The following ANKMY2 variants were observed in gnomAD, a reference collection of about 807,000 sequenced individuals.
The protein encoded by ANKMY2 is ankyrin repeat and MYND domain containing 2.
A neutral mutation model predicts 50.4 loss-of-function variants in ANKMY2; 36 were observed. The ratio of observed to expected loss-of-function variants is 0.71; its 90% CI spans 0.55 to 0.94. The LOEUF (loss-of-function observed/expected upper bound fraction) is 0.94. Among genes scored for constraint, ANKMY2 ranks in the 40% least tolerant of loss-of-function variants. The probability of loss-of-function intolerance (pLI) is 0.00; values close to 1 mark genes in which losing one functional copy is unlikely to be tolerated. For missense variants in ANKMY2, 565 were observed against 524.0 expected, an observed-to-expected ratio of 1.08 and a Z score of -0.76; for synonymous variants, 187 against 178.8, an observed-to-expected ratio of 1.05 and a Z score of -0.36.
chr7:16,606,798 T>G (rs1781168065), intron 7 of ANKMY2, among the ~76,000 whole-genome samples: 1 of 152,232 alleles, frequency 6.6e-6, no homozygotes, highest in South Asian at 2.1e-4. Context: ...AGCACTCATT[T>G]TGAAACTACC....
intron 3 of ANKMY2, among the ~76,000 whole-genome samples, chr7:16,625,687 G>A (rs1781497657): frequency 6.6e-6 from 1 of 152,072 alleles, no homozygotes; most frequent in South Asian, 2.1e-4. Context: ...GGGAAATATT[G>A]CCAGATCAAA....
intron 4 of ANKMY2, among the ~76,000 whole-genome samples, chr7:16,616,789 C>A (rs545774262): frequency 2.0e-5 from 3 of 152,368 alleles, no homozygotes; most frequent in East Asian, 3.9e-4. Context: ...CCCCCGCTCC[C>A]GGAGAGTGGT....
At chr7:16,620,084 A>G (rs888837675) in intron 4 of ANKMY2, among the ~76,000 whole-genome samples, 11 of 152,246 alleles carry the variant, frequency 7.2e-5, no homozygotes, top group African/African-American at 2.7e-4. Flanking sequence ...TAGTTTTGTC[A>G]TGATGGGTGT....
At chr7:16,624,936 G>C (rs1781489351) in intron 4 of ANKMY2, 47 bp downstream of exon 4, 1 of 1,526,194 alleles carries the variant, frequency 6.6e-7, no homozygotes, top group Non-Finnish European at 9.0e-7. Flanking sequence ...TTTTCCACAA[G>C]GGAAATTTTG....
Position 16,600,531 on chromosome 7 carries a change from A to G in ANKMY2, c.*230T>C, listed in dbSNP as rs1781029749. ...AAGGTAATAGGAATGTTTTTCCTGTATTTTGAAACAAAAAATTTTCCATAG... is the reference window on the plus strand; with the variant it reads ...AAGGTAATAGGAATGTTTTTCCTGTGTTTTGAAACAAAAAATTTTCCATAG... On this transcript the variant is annotated 3_prime_UTR_variant, in exon 10 of 10. Coordinates refer to ENST00000306999, the MANE Select transcript of ANKMY2 (RefSeq NM_020319.3). 3 of 366,288 alleles carry G rather than the reference A, an allele frequency of 8.2e-6. No individual in the cohort carries two copies. Among genetic ancestry groups the G allele is most frequent in the African/African-American group, 2.1e-5 (1 of 47,922 alleles). The allele number at this position is 366,288 out of a possible 1,614,324, so 22.7% of individuals were successfully genotyped here. A position where few individuals can be genotyped will look rare whatever the true frequency, so the allele number is the denominator to read the frequency against.
chr7:16,610,686 C>T lies in ANKMY2; in HGVS notation c.609G>A (p.Leu203=), dbSNP rs1408075053. 6.2e-7 allele frequency: 1 copy of T among 1,614,004 alleles called. No homozygotes were observed. Among genetic ancestry groups the T allele is most frequent in the Admixed American group, 1.7e-5 (1 of 60,034 alleles). ...ALNKCYRVMD[L]ICEKCMKQRD... ...TTTGCTTCATACATTTCTCACAAAT[C>T]AAATCCATCACTCTGTAGCATTTAT... The change falls in exon 6 of 10, where the codon TTG becomes TTA. Residue 203 remains leucine, a synonymous_variant. Coordinates refer to ENST00000306999, the MANE Select transcript of ANKMY2 (RefSeq NM_020319.3).
chr7:16,645,609 G>A lies in ANKMY2; in HGVS notation c.-36C>T. 6.3e-7 allele frequency: 1 copy of A among 1,597,650 alleles called. No individual in the cohort carries two copies. On this transcript the variant is annotated 5_prime_UTR_variant, in exon 1 of 10. Transcript: ENST00000306999. ...AGCTTGAAGGTTATTCCCTTTCTTA[G>A]GGAGTATTAAAAAAGAAACGATGCG...
chr7:16,617,376 G>A (rs1481013792), intron 4 of ANKMY2, among the ~76,000 whole-genome samples: 1 of 152,024 alleles, frequency 6.6e-6, no homozygotes, highest in African/African-American at 2.4e-5. Context: ...ACTGATCCAG[G>A]ACCCTATCAG....
chr7:16,604,084 G>A lies in ANKMY2; in HGVS notation c.1011+637C>T, dbSNP rs529748328. Among the ~76,000 whole-genome samples the A allele has an allele frequency of 5.9e-5, 9 of 152,260 alleles. No individual in the cohort carries two copies. In the East Asian group the frequency reaches 1.5e-3, roughly 26 times the overall value. On this transcript the variant is annotated intron_variant, in intron 8 of 9. Coordinates refer to ENST00000306999, the MANE Select transcript of ANKMY2 (RefSeq NM_020319.3). The stretch of plus-strand genomic sequence containing the variant: ...AAGTAGGTCACAGCAGATTATAATG[G>A]GTTTCATACAACATGCTGGAGAATT...
chr7:16,601,427 T>C (rs995545248), intron 9 of ANKMY2, among the ~76,000 whole-genome samples: 1 of 152,262 alleles, frequency 6.6e-6, no homozygotes, highest in Non-Finnish European at 1.5e-5. Flanking sequence ...GTGCCCATTC[T>C]ACTGACAATC....
At chr7:16,613,950 C>T (rs907996334) in intron 5 of ANKMY2, among the ~76,000 whole-genome samples, 1 of 149,940 alleles carries the variant, frequency 6.7e-6, no homozygotes, top group Non-Finnish European at 1.5e-5. Flanking sequence ...ATTCCACAAA[C>T]CCTTACTGCA....
intron 7 of ANKMY2, among the ~76,000 whole-genome samples, chr7:16,605,407 A>G (rs975328061): frequency 1.3e-5 from 2 of 152,214 alleles, no homozygotes; most frequent in Non-Finnish European, 2.9e-5. Context: ...ACATGCAGCA[A>G]TTGAATCAAA....
chr7:16,609,532 T>C, intron 7 of ANKMY2, 98 bp downstream of exon 7: 2 of 1,291,648 alleles, frequency 1.5e-6, no homozygotes, highest in Non-Finnish European at 2.0e-6. Context: ...TATTCTGAAA[T>C]AATAAAAATA....
intron 1 of ANKMY2, among the ~76,000 whole-genome samples, chr7:16,639,272 A>C (rs771400180): frequency 4.6e-5 from 7 of 152,230 alleles, no homozygotes; most frequent in Non-Finnish European, 1.0e-4. Flanking sequence ...AGTGTAAAAG[A>C]TTAATTGCTT....
chr7:16,628,026 C>T (rs1781529131), intron 2 of ANKMY2, among the ~76,000 whole-genome samples: 1 of 152,202 alleles, frequency 6.6e-6, no homozygotes, highest in Admixed American at 6.5e-5. Flanking sequence ...CTAGGCTACA[C>T]TGTTTGGTCT....
intron 7 of ANKMY2, among the ~76,000 whole-genome samples, chr7:16,605,513 T>A (rs898784367): frequency 6.6e-6 from 1 of 151,908 alleles, no homozygotes; most frequent in African/African-American, 2.4e-5. Context: ...TCTATTTTTA[T>A]TTTTTTGAGA....
chr7:16,621,292 C>G (rs527733815), intron 4 of ANKMY2, among the ~76,000 whole-genome samples: 1 of 152,110 alleles, frequency 6.6e-6, no homozygotes, highest in Non-Finnish European at 1.5e-5. Context: ...TTAAATATTA[C>G]TGAAAGACCA....
intron 7 of ANKMY2, among the ~76,000 whole-genome samples, chr7:16,605,694 TTTTTTTG>T (rs1781147796): frequency 7.0e-6 from 1 of 143,620 alleles, no homozygotes; most frequent in Non-Finnish European, 1.5e-5. Context: ...TTTTTTTTTT[TTTTTTTG>T]AGACGGAGCC....
intron 6 of ANKMY2, 53 bp from the exon 7 acceptor site, chr7:16,609,818 C>A: frequency 1.3e-6 from 2 of 1,573,704 alleles, no homozygotes; most frequent in Non-Finnish European, 8.6e-7. Flanking sequence ...AGCATTCTCT[C>A]CTAGTTGAAC....
Sources: gnomAD v4.1 joint callset for allele counts (sites outside exome capture counted in the v4.1 genomes callset) on GRCh38, gnomAD v4.1.1 for gene constraint, MANE v1.5 for transcripts, NCBI Gene and HGNC (gene_info 2026-07-23, HGNC 2026-07-21) for gene names.